The following C11orf65 variants were observed in gnomAD, a reference collection of about 807,000 sequenced individuals.
C11orf65 encodes chromosome 11 open reading frame 65, also known as protein MFI.
A neutral mutation model predicts 35.3 loss-of-function variants in C11orf65; 38 were observed. The ratio of observed to expected loss-of-function variants is 1.08; its 90% confidence interval spans 0.83 to 1.41. The LOEUF (loss-of-function observed/expected upper bound fraction) is 1.41. C11orf65 is among the 40% of genes most tolerant of loss of function. C11orf65 has a pLI of 0.00. For missense variants in C11orf65, 370 were observed against 367.1 expected (o/e 1.01, Z -0.06); for synonymous variants, 105 against 114.4 (o/e 0.92, Z 0.53).
intron 2 of C11orf65, among the ~76,000 whole-genome samples, chr11:108,449,189 C>T (rs1008369997): frequency 2.7e-4 from 41 of 152,076 alleles, no homozygotes; most frequent in Admixed American, 1.2e-3. Context: ...GAATCAATAT[C>T]GTGAAAATGG....
intron 3 of C11orf65, among the ~76,000 whole-genome samples, chr11:108,334,309 G>C (rs2086595821): frequency 6.6e-6 from 1 of 152,020 alleles, no homozygotes; most frequent in Non-Finnish European, 1.5e-5. Context: ...GTCATATATT[G>C]TTTTTAAAAA....
chr11:108,446,765 C>T (rs1013093611), intron 2 of C11orf65, among the ~76,000 whole-genome samples: 9 of 152,102 alleles, frequency 5.9e-5, no homozygotes, highest in Admixed American at 2.0e-4. Flanking sequence ...ATGACAGGAC[C>T]AAATTTACAC....
At chr11:108,421,606 C>A (rs960695452) in intron 3 of C11orf65, among the ~76,000 whole-genome samples, 1 of 151,962 alleles carries the variant, frequency 6.6e-6, no homozygotes, top group Non-Finnish European at 1.5e-5. Context: ...TGCAGTGAGC[C>A]GAGATCGTGC....
At chr11:108,377,929 G>A (rs937987120), downstream of C11orf65, among the ~76,000 whole-genome samples, 1 of 151,856 alleles carries the variant, frequency 6.6e-6, no homozygotes, top group African/African-American at 2.4e-5. Flanking sequence ...TACAAGGGAT[G>A]TGAAGGACCT....
At chr11:108,328,443 G>A (rs1157153819), downstream of C11orf65, among the ~76,000 whole-genome samples, 1 of 151,724 alleles carries the variant, frequency 6.6e-6, no homozygotes, top group African/African-American at 2.4e-5. Flanking sequence ...AGACGGTTTC[G>A]CCACATTGGC....
intron 6 of C11orf65, among the ~76,000 whole-genome samples, chr11:108,398,361 A>T (rs1353947499): frequency 2.0e-5 from 3 of 152,216 alleles, no homozygotes; most frequent in Non-Finnish European, 4.4e-5. Context: ...ATCTAGGATA[A>T]GCCCTCTGTT....
intron 3 of C11orf65, among the ~76,000 whole-genome samples, chr11:108,414,089 A>G (rs2092696294): frequency 6.6e-6 from 1 of 152,056 alleles, no homozygotes. Context: ...AATGAAATTG[A>G]TAACAAGAAA....
At chr11:108,401,807 G>A (rs1225641618) in intron 6 of C11orf65, among the ~76,000 whole-genome samples, 1 of 152,184 alleles carries the variant, frequency 6.6e-6, no homozygotes, top group Admixed American at 6.5e-5. Flanking sequence ...CAGTATACCA[G>A]AGAAGTTCCA....
rs786203542 is a variant in C11orf65, at chr11:108,345,900, C to G, written c.227-10608G>C. 5.6e-6 allele frequency: 9 copies of G among 1,613,574 alleles called. No homozygotes were observed. The highest frequency in any genetic ancestry group is 7.6e-6 in the Non-Finnish European group (9 of 1,179,690). ...GCTTATACGCGCAGTGTAGCTACTT[C>G]TTCTATTGGTAATCTTCTTGTACAT... On this transcript the variant is annotated intron_variant, in intron 2 of 3. Coordinates refer to the C11orf65 transcript ENST00000524755.
chr11:108,433,563 G>C (rs182928894), intron 2 of C11orf65, among the ~76,000 whole-genome samples: 1 of 145,344 alleles, frequency 6.9e-6, no homozygotes, highest in African/African-American at 2.5e-5. Flanking sequence ...CTGGGTGACA[G>C]AGTGAGACTC....
rs1060501707 is a variant in C11orf65, at chr11:108,321,342, CTG to C, written c.641-12273_641-12272del. On this transcript the variant is annotated intron_variant, in intron 6 of 6. Coordinates refer to the C11orf65 transcript ENST00000525729. ...GAGATGTGTAAGCGCAGCCTTGAGT[CTG>C]TGTATTCGCTCTATCCCACACTTAG... 1.9e-6 allele frequency: 3 copies of C among 1,614,036 alleles called. No individual in the cohort carries two copies. Among genetic ancestry groups the C allele is most frequent in the South Asian group, 1.1e-5 (1 of 91,080 alleles).
chr11:108,338,786 G>A (rs2087140163), intron 2 of C11orf65, among the ~76,000 whole-genome samples: 2 of 152,096 alleles, frequency 1.3e-5, no homozygotes, highest in African/African-American at 4.8e-5. Flanking sequence ...ACGACAATAA[G>A]CCAGTAATGT....
At position 108,406,770 on chromosome 11, in the gene C11orf65, G is replaced by T; in HGVS notation, c.422C>A (p.Ser141Tyr). 6.3e-7 allele frequency: 1 copy of T among 1,593,758 alleles called. No individual in the cohort carries two copies. The highest frequency in any genetic ancestry group is 1.1e-5 in the South Asian group (1 of 87,706). Reference sequence around the variant, plus strand: ...ACATTTCTCTTTTCTTACTGTATCAGAAACTGGCCTCCAGCCATTGTTTTC... The same window carrying T: ...ACATTTCTCTTTTCTTACTGTATCATAAACTGGCCTCCAGCCATTGTTTTC... ...RIENNGWRPV[S>Y]DTFWLSTDGM... is the part of the protein sequence containing the mutation. Residue 141 changes from serine (S) to tyrosine (Y), a missense_variant, in exon 5 of 9, where the codon TCT (serine) becomes TAT (tyrosine). Physicochemically the swap from Ser to Tyr is moderately radical, Grantham distance 144. Coordinates refer to ENST00000393084, the MANE Select transcript of C11orf65 (RefSeq NM_152587.5).
chr11:108,365,360 G>C lies in C11orf65; in HGVS notation c.226+27848C>G, dbSNP rs587781894. On this transcript the variant is annotated intron_variant, in intron 2 of 3. Coordinates refer to the C11orf65 transcript ENST00000524755. ...CAGAGTTTCAACAAAGTAGCTGAAC[G>C]TGTCTTAATGAGACTACAAGAGAAA... The C allele has an allele frequency of 6.2e-7, 1 of 1,614,124 alleles. No individual in the cohort carries two copies. Among genetic ancestry groups the C allele is most frequent in the Non-Finnish European group, 8.5e-7 (1 of 1,180,014 alleles).
rs549317599 is a variant in C11orf65, at chr11:108,321,512, G to A, written c.641-12441C>T. 5.7e-6 allele frequency: 9 copies of A among 1,570,844 alleles called. No individual in the cohort carries two copies. In the South Asian group the frequency reaches 8.9e-5, roughly 16 times the overall value. ...AAATAAAAACTATAGGCCGGGCACG[G>A]TGGCTCATGCCTGTAATCCTAGCAC... On this transcript the variant is annotated intron_variant, in intron 6 of 6. Coordinates refer to the C11orf65 transcript ENST00000525729.
rs1303454087 is a variant in C11orf65, at chr11:108,450,936, G to A, written c.81+10543C>T. On this transcript the variant is annotated intron_variant, in intron 2 of 8. Transcript: ENST00000393084. ...TGATTATCTCAATAGATGCAGAAAC[G>A]GCCTTCAATAAAATTCAACAGCTCT... is the stretch of plus-strand genomic sequence containing the variant. Among the ~76,000 whole-genome samples, 19 of 151,762 alleles carry A rather than the reference G, an allele frequency of 1.3e-4. No homozygotes were observed. In the East Asian group the frequency reaches 3.1e-3, roughly 25 times the overall value.
At chr11:108,383,649 C>G (rs1263362634) in intron 8 of C11orf65, among the ~76,000 whole-genome samples, 3 of 152,180 alleles carry the variant, frequency 2.0e-5, no homozygotes, top group African/African-American at 7.2e-5. Flanking sequence ...GTTTCTCAAT[C>G]TGCTCTGGAT....
chr11:108,329,877 T>C (rs1453035700), downstream of C11orf65, among the ~76,000 whole-genome samples: 2 of 152,240 alleles, frequency 1.3e-5, no homozygotes, highest in African/African-American at 4.8e-5. Context: ...GAAAAGGAGA[T>C]AGATATTGAA....
In C11orf65 at chr11:108,316,073, C is replaced by T. The variant is rs2136130260; in HGVS notation, c.641-7002G>A. ...GCCCTAGTAACATATGACCTCGAAA[C>T]AGCAATCCCCTCATCAACACGCCAG... is the stretch of plus-strand genomic sequence containing the variant. On this transcript the variant is annotated intron_variant, in intron 6 of 6. Transcript: ENST00000525729. 1 of 1,614,098 alleles carries T rather than the reference C, an allele frequency of 6.2e-7. No individual in the cohort carries two copies.
Sources: allele counts gnomAD v4.1 joint callset (sites outside exome capture counted in the v4.1 genomes callset), GRCh38; gene constraint gnomAD v4.1.1; transcripts MANE v1.5; gene names NCBI Gene and HGNC (gene_info 2026-07-23, HGNC 2026-07-21).